The following DYNC1LI1 variants were observed in gnomAD, a reference collection of about 807,000 sequenced individuals.
DYNC1LI1 encodes the protein dynein cytoplasmic 1 light intermediate chain 1.
In DYNC1LI1, 19 loss-of-function variants were observed where a neutral mutation model predicts 63.8. That is an observed-to-expected ratio of 0.30 (90% CI 0.21 to 0.44). DYNC1LI1 has a LOEUF of 0.44. Ranked by LOEUF, DYNC1LI1 falls within the 20% of genes least tolerant of loss-of-function variation. The pLI is 1.00. For missense variants in DYNC1LI1, 565 were observed against 630.2 expected (o/e 0.90, Z 1.11); for synonymous variants, 225 against 232.3 (o/e 0.97, Z 0.28).
intron 5 of DYNC1LI1, among the ~76,000 whole-genome samples, chr3:32,537,940 A>ATATATAATATATATATAATT (rs1697804624): frequency 1.3e-4 from 2 of 15,802 alleles, no homozygotes; most frequent in Non-Finnish European, 1.9e-4. Flanking sequence ...TATATATAAT[A>ATATATAATATATATATAATT]TATATATAAT....
chr3:32,545,100 G>C lies in DYNC1LI1; in HGVS notation c.344C>G (p.Thr115Arg). 1 of 1,607,162 alleles carries C rather than the reference G, an allele frequency of 6.2e-7. No individual in the cohort carries two copies. The highest frequency in any genetic ancestry group is 8.5e-7 in the Non-Finnish European group (1 of 1,173,788). The change falls in exon 4 of 13, where the codon ACA (threonine) becomes AGA (arginine). Residue 115 changes from threonine (T) to arginine (R), a missense_variant. By Grantham distance (71) the Thr-to-Arg change is moderately conservative (BLOSUM62 -1). Coordinates refer to ENST00000273130, the MANE Select transcript of DYNC1LI1 (RefSeq NM_016141.4). Reference sequence around the variant, plus strand: ...ATCTAAGATCCAAACATTACATCTTGTTTGATCTACAACAGACAAAACAAA... The same window carrying C: ...ATCTAAGATCCAAACATTACATCTTCTTTGATCTACAACAGACAAAACAAA... ...NVHDEDRDDQ[T>R]RCNVWILDGD...
rs1343701215 is a variant in DYNC1LI1, at chr3:32,538,827, G to T, written c.739-1723C>A. ...CCGGAGTCTTTAAACTGATGGCGTT[G>T]AACCACCATACTTCTCTCCCTTTGG... is the stretch of plus-strand genomic sequence containing the variant. On this transcript the variant is annotated intron_variant, in intron 5 of 12. Coordinates refer to ENST00000273130, the MANE Select transcript of DYNC1LI1 (RefSeq NM_016141.4). Among the ~76,000 whole-genome samples, 8 of 152,006 alleles carry T rather than the reference G, an allele frequency of 5.3e-5. No homozygotes were observed. In the South Asian group the frequency reaches 6.2e-4, roughly 12 times the overall value.
At position 32,533,081 on chromosome 3, in the gene DYNC1LI1, T is replaced by C; in HGVS notation, c.985A>G (p.Asn329Asp). The C allele has an allele frequency of 6.3e-7, 1 of 1,598,466 alleles. No individual in the cohort carries two copies. Among genetic ancestry groups the C allele is most frequent in the Non-Finnish European group, 8.5e-7 (1 of 1,176,544 alleles). Reference sequence around the variant, plus strand: ...TGTAATATTCCTATTTTCTTATCATTATCCCACCCTGCTGGACTGGAAAGA... The same window carrying C: ...TGTAATATTCCTATTTTCTTATCATCATCCCACCCTGCTGGACTGGAAAGA... Reference protein sequence around the residue: ...DAVFIPAGWDNDKKIGILHEN... With the variant: ...DAVFIPAGWDDDKKIGILHEN... The change falls in exon 8 of 13, where the codon AAT (asparagine) becomes GAT (aspartate). Residue 329 changes from asparagine (N) to aspartate (D), a missense_variant. Asn to Asp is a conservative substitution (Grantham distance 23). Transcript: ENST00000273130.
Position 32,570,826 on chromosome 3 carries a change from C to A in DYNC1LI1, c.-56G>T, listed in dbSNP as rs1419687141. 2.0e-6 allele frequency: 3 copies of A among 1,503,632 alleles called. No individual in the cohort carries two copies. The highest frequency in any genetic ancestry group is 1.8e-6 in the Non-Finnish European group (2 of 1,116,686). The allele number at this position is 1,503,632 out of a possible 1,614,324, so 93.1% of individuals were successfully genotyped here. ...GACTAAATGTGCGAGGCGGCTGAGG[C>A]GGTGGCGGTGGAGGCGGCGGGAACC... is the stretch of plus-strand genomic sequence containing the variant. On this transcript the variant is annotated 5_prime_UTR_variant, in exon 1 of 13. Coordinates refer to ENST00000273130, the MANE Select transcript of DYNC1LI1 (RefSeq NM_016141.4).
rs1159137212 is a variant in DYNC1LI1 at position 32,545,685 on chromosome 3, T to C, written c.337+164A>G. 7 of 642,926 alleles carry C rather than the reference T, an allele frequency of 1.1e-5. No homozygotes were observed. In the African/African-American group the frequency reaches 1.3e-4, roughly 12 times the overall value. 39.8% of individuals were successfully genotyped at this position (642,926 alleles called of 1,614,324 possible). On this transcript the variant is annotated intron_variant, in intron 3 of 12. Transcript: ENST00000273130. ...TAAAAGTATCATATATGAATCCCAA[T>C]CCCAAATTAATAAAAGTATGGCTAA...
chr3:32,547,335 T>C (rs555248011), intron 2 of DYNC1LI1, among the ~76,000 whole-genome samples: 1 of 152,336 alleles, frequency 6.6e-6, no homozygotes, highest in Non-Finnish European at 1.5e-5. Flanking sequence ...TACATGTTAC[T>C]GTTCATGGAC....
At chr3:32,538,878 T>C (rs1188181040) in intron 5 of DYNC1LI1, among the ~76,000 whole-genome samples, 2 of 152,120 alleles carry the variant, frequency 1.3e-5, no homozygotes, top group East Asian at 1.9e-4. Flanking sequence ...CATACCCCTA[T>C]ACATTTTAAA....
intron 2 of DYNC1LI1, among the ~76,000 whole-genome samples, chr3:32,566,412 G>A (rs1698260301): frequency 6.6e-6 from 1 of 152,150 alleles, no homozygotes; most frequent in Admixed American, 6.5e-5. Context: ...ATCAAAACAT[G>A]GGAAAGTAAT....
chr3:32,552,696 CTGTTGT>C lies in DYNC1LI1; in HGVS notation c.221-6737_221-6732del, dbSNP rs537165508. 7.9e-5 allele frequency among the ~76,000 whole-genome samples: 12 copies of C among 151,906 alleles called. No homozygotes were observed. The East Asian group carries it at 1.9e-3, about 25-fold the overall frequency. ...TTTCACAGCAAAATGTATACTTTTG[CTGTTGT>C]TGTTGTTGTTGTTGTTGTCGTTGAG... On this transcript the variant is annotated intron_variant, in intron 2 of 12. Transcript: ENST00000273130.
In DYNC1LI1 at chr3:32,530,200, T is replaced by G. The variant is rs532136591; in HGVS notation, c.1185+84A>C. Reference sequence around the variant, plus strand: ...AAGTTTATATCAAAGCACACCCATATGAAATATGTACATAATTAATAAAAA... The same window carrying G: ...AAGTTTATATCAAAGCACACCCATAGGAAATATGTACATAATTAATAAAAA... On this transcript the variant is annotated intron_variant, in intron 10 of 12. Transcript: ENST00000273130. 13 of 1,141,760 alleles carry G rather than the reference T, an allele frequency of 1.1e-5. No homozygotes were observed. The South Asian group carries it at 2.1e-4, about 18-fold the overall frequency. The allele number at this position is 1,141,760 out of a possible 1,614,324, so 70.7% of individuals were successfully genotyped here.
Position 32,546,410 on chromosome 3 carries a change from G to GA in DYNC1LI1, c.221-446dup, listed in dbSNP as rs780230719. Among the ~76,000 whole-genome samples the GA allele has an allele frequency of 7.4e-5, 11 of 147,698 alleles. No individual in the cohort carries two copies. In the East Asian group the frequency reaches 1.2e-3, roughly 16 times the overall value. Reference sequence around the variant, plus strand: ...GTAACAAAGCAAGACTCTGTCTGAAGAAAAAAAAAAGATAAAAAAGATGCA... The same window carrying GA: ...GTAACAAAGCAAGACTCTGTCTGAAGAAAAAAAAAAAGATAAAAAAGATGCA... On this transcript the variant is annotated intron_variant, in intron 2 of 12. Transcript: ENST00000273130.
chr3:32,550,726 C>A (rs1698025787), intron 2 of DYNC1LI1, among the ~76,000 whole-genome samples: 1 of 152,138 alleles, frequency 6.6e-6, no homozygotes, highest in Non-Finnish European at 1.5e-5. Flanking sequence ...ATTACTGGGA[C>A]CCACCCCCTT....
chr3:32,530,225 A>C (rs1697676907), intron 10 of DYNC1LI1, 59 bp downstream of exon 10: 1 of 1,390,486 alleles, frequency 7.2e-7, no homozygotes, highest in Admixed American at 2.3e-5. Flanking sequence ...ATTAATAAAA[A>C]ATAACTAAAA....
intron 5 of DYNC1LI1, among the ~76,000 whole-genome samples, chr3:32,539,757 G>T (rs1258439880): frequency 1.3e-5 from 2 of 151,486 alleles, no homozygotes; most frequent in Non-Finnish European, 2.9e-5. Flanking sequence ...GGATGGTCTC[G>T]ATCTCCTGAT....
intron 7 of DYNC1LI1, 116 bp downstream of exon 7, chr3:32,534,395 T>A (rs1697746968): frequency 1.4e-6 from 1 of 733,250 alleles, no homozygotes; most frequent in African/African-American, 1.9e-5. Flanking sequence ...ACAGATAGAT[T>A]CTCACTTTCT....
intron 2 of DYNC1LI1, among the ~76,000 whole-genome samples, chr3:32,554,065 A>G (rs1295248655): frequency 6.6e-6 from 1 of 152,162 alleles, no homozygotes; most frequent in African/African-American, 2.4e-5. Context: ...TTGTATTATG[A>G]CTCTCTGAAG....
At chr3:32,528,655 T>C (rs1007887102) in intron 11 of DYNC1LI1, 54 bp from the exon 12 acceptor site, 1 of 1,506,962 alleles carries the variant, frequency 6.6e-7, no homozygotes, top group African/African-American at 1.4e-5. Flanking sequence ...GATTCTTCCT[T>C]AAATTATTAT....
intron 2 of DYNC1LI1, among the ~76,000 whole-genome samples, chr3:32,552,207 A>ATT (rs1005172182): frequency 1.8e-4 from 28 of 152,238 alleles, no homozygotes; most frequent in African/African-American, 6.7e-4. Flanking sequence ...TCCCTTAAAT[A>ATT]TTACCTCCTC....
rs1697624824 is a variant in DYNC1LI1, at chr3:32,526,812, CCTT to C, written c.1556_1558del (p.Glu519del). On this transcript the variant is annotated inframe_deletion, in exon 13 of 13. Coordinates refer to ENST00000273130, the MANE Select transcript of DYNC1LI1 (RefSeq NM_016141.4). ...TATTTGGTATCTTCAAGAAGCTTCT[CCTT>C]CCGTAGGAGATGTAGGTGTTGTGGG... The C allele has an allele frequency of 6.2e-7, 1 of 1,611,576 alleles. No individual in the cohort carries two copies. The highest frequency in any genetic ancestry group is 8.5e-7 in the Non-Finnish European group (1 of 1,177,724).
Sources: allele counts gnomAD v4.1 joint callset (sites outside exome capture counted in the v4.1 genomes callset), GRCh38; gene constraint gnomAD v4.1.1; transcripts MANE v1.5; gene names NCBI Gene and HGNC (gene_info 2026-07-23, HGNC 2026-07-21).